The following CCDC38 variants were observed in gnomAD, a reference collection of about 807,000 sequenced individuals.
CCDC38 encodes the protein coiled-coil domain-containing protein 38.
In CCDC38, 69 loss-of-function variants were observed where a neutral mutation model predicts 72.8. The observed-to-expected ratio is 0.95, with a 90% CI of 0.78 to 1.16. The LOEUF is 1.16. Among genes scored for constraint, CCDC38 ranks in the 50% most tolerant of loss-of-function variants. The pLI, the probability that CCDC38 is intolerant of heterozygous loss-of-function variation, is 0.00. For synonymous variants in CCDC38, 201 were observed against 213.2 expected, an observed-to-expected ratio of 0.94 and a Z score of 0.50; for missense variants, 626 against 638.9, an observed-to-expected ratio of 0.98 and a Z score of 0.22.
intron 8 of CCDC38, among the ~76,000 whole-genome samples, chr12:95,894,124 C>T (rs907600407): frequency 6.6e-6 from 1 of 152,048 alleles, no homozygotes; most frequent in African/African-American, 2.4e-5. Context: ...GAGGCTGAGG[C>T]AGGAGAATAT....
intron 5 of CCDC38, chr12:95,903,441 C>A: frequency 5.7e-6 from 4 of 699,804 alleles, no homozygotes; most frequent in Non-Finnish European, 1.0e-5. Context: ...AGAAGTGGTG[C>A]AGTGGAAATC....
chr12:95,915,009 G>T (rs1466854295), intron 4 of CCDC38, among the ~76,000 whole-genome samples: 1 of 152,118 alleles, frequency 6.6e-6, no homozygotes, highest in Non-Finnish European at 1.5e-5. Context: ...GCTTTCATTT[G>T]ATCATTTCTG....
intron 13 of CCDC38, among the ~76,000 whole-genome samples, chr12:95,877,372 C>T (rs1029308488): frequency 3.3e-5 from 5 of 152,134 alleles, no homozygotes; most frequent in Admixed American, 6.6e-5. Flanking sequence ...CAATAATTTC[C>T]AGGCCTTCTC....
intron 8 of CCDC38, among the ~76,000 whole-genome samples, chr12:95,892,893 T>TG (rs1302648306): frequency 1.3e-5 from 2 of 152,128 alleles, no homozygotes; most frequent in Non-Finnish European, 2.9e-5. Flanking sequence ...ATATATGTAG[T>TG]GGGACCCATA....
chr12:95,911,849 G>C (rs1162777562), intron 4 of CCDC38, among the ~76,000 whole-genome samples: 1 of 152,124 alleles, frequency 6.6e-6, no homozygotes, highest in Admixed American at 6.5e-5. Context: ...ATCCAACCCA[G>C]CAATCCCATT....
Position 95,879,805 on chromosome 12 carries a change from C to A in CCDC38, c.991-10G>T. On this transcript the variant is annotated splice_polypyrimidine_tract_variant and intron_variant, in intron 11 of 15. Coordinates refer to ENST00000344280, the MANE Select transcript of CCDC38 (RefSeq NM_182496.3). This position sits in a 1 kb window ranked among gnomAD's most constrained non-coding sequence, Gnocchi z 5.5. The stretch of plus-strand genomic sequence containing the variant: ...AATAAAGTGCTGGCTCCTAATTAAT[C>A]AATAATGAAGAATATAATTTACTTA... 6.3e-7 allele frequency: 1 copy of A among 1,581,956 alleles called. No homozygotes were observed. Among genetic ancestry groups the A allele is most frequent in the South Asian group, 1.2e-5 (1 of 86,726 alleles).
chr12:95,920,438 T>C (rs1237389161), intron 2 of CCDC38, among the ~76,000 whole-genome samples: 1 of 152,156 alleles, frequency 6.6e-6, no homozygotes, highest in African/African-American at 2.4e-5. Context: ...ATTAGCAGCA[T>C]GAGAACAGAT....
At chr12:95,896,097 A>C (rs2079886236) in intron 7 of CCDC38, among the ~76,000 whole-genome samples, 1 of 151,598 alleles carries the variant, frequency 6.6e-6, no homozygotes, top group South Asian at 2.1e-4. Context: ...AAGATGGTAC[A>C]TTTGTAAGGA....
chr12:95,910,956 G>A (rs773686500), intron 4 of CCDC38, among the ~76,000 whole-genome samples: 2 of 152,026 alleles, frequency 1.3e-5, no homozygotes, highest in South Asian at 2.1e-4. Flanking sequence ...CAAAAAGAAC[G>A]AAGTTGGACT....
chr12:95,906,955 G>C (rs1266653316), intron 4 of CCDC38, among the ~76,000 whole-genome samples: 2 of 150,980 alleles, frequency 1.3e-5, no homozygotes, highest in Admixed American at 1.3e-4. Flanking sequence ...GTTTTCCTAG[G>C]CAGAGGACCC....
At chr12:95,909,915 G>A (rs1170194256) in intron 4 of CCDC38, among the ~76,000 whole-genome samples, 2 of 152,184 alleles carry the variant, frequency 1.3e-5, no homozygotes, top group African/African-American at 4.8e-5. Context: ...AATACTAACA[G>A]CCATCTATGA....
chr12:95,919,617 C>T (rs1442652627), intron 2 of CCDC38: 1 of 456,024 alleles, frequency 2.2e-6, no homozygotes, highest in Non-Finnish European at 4.4e-6. Context: ...CGACATAGCT[C>T]TTACTGCTTC....
chr12:95,919,660 T>G (rs1468237702), intron 2 of CCDC38: 3 of 455,458 alleles, frequency 6.6e-6, no homozygotes, highest in African/African-American at 6.0e-5. Flanking sequence ...AAGGAGGTCT[T>G]TACCAAAATA....
intron 5 of CCDC38, among the ~76,000 whole-genome samples, chr12:95,905,228 C>T (rs561675079): frequency 3.3e-5 from 5 of 152,112 alleles, no homozygotes; most frequent in African/African-American, 1.2e-4. Flanking sequence ...TTGTTAAATT[C>T]TCAGATGCTG....
At chr12:95,908,447 G>C (rs1200171839) in intron 4 of CCDC38, among the ~76,000 whole-genome samples, 1 of 29,074 alleles carries the variant, frequency 3.4e-5, no homozygotes, top group Non-Finnish European at 6.7e-5. Context: ...CGTGGAAAGA[G>C]GGAGAGGGAG....
Position 95,926,069 on chromosome 12 carries a change from G to T in CCDC38, c.38-7093C>A, listed in dbSNP as rs1478640070. Among the ~76,000 whole-genome samples the T allele has an allele frequency of 7.0e-5, 10 of 142,118 alleles. No homozygotes were observed. The East Asian group carries it at 2.1e-3, about 30-fold the overall frequency. The allele number at this position is 142,118 out of a possible 152,430, so 93.2% of individuals were successfully genotyped here. A position where few individuals can be genotyped will look rare whatever the true frequency, so the allele number is the denominator to read the frequency against. Reference sequence around the variant, plus strand: ...TGCTGGCCTCATAAAATGAGTTAGGGAGGATTCCCTCTTTTTCTATTGATT... The same window carrying T: ...TGCTGGCCTCATAAAATGAGTTAGGTAGGATTCCCTCTTTTTCTATTGATT... On this transcript the variant is annotated intron_variant, in intron 2 of 15. Coordinates refer to ENST00000344280, the MANE Select transcript of CCDC38 (RefSeq NM_182496.3).
intron 2 of CCDC38, among the ~76,000 whole-genome samples, chr12:95,928,556 G>A (rs1394402184): frequency 5.0e-4 from 76 of 152,306 alleles, no homozygotes; most frequent in East Asian, 3.7e-3. Context: ...GTCATTATCC[G>A]TCCAGCTTTG....
chr12:95,936,575 A>G (rs1420432645), intron 1 of CCDC38, 52 bp from the exon 2 acceptor site: 4 of 1,474,598 alleles, frequency 2.7e-6, no homozygotes, highest in Non-Finnish European at 3.8e-6. Context: ...AACATCATAT[A>G]AAAGGGCTAA....
intron 13 of CCDC38, among the ~76,000 whole-genome samples, chr12:95,872,917 A>G (rs1449304147): frequency 1.3e-5 from 2 of 152,252 alleles, no homozygotes; most frequent in African/African-American, 2.4e-5. Context: ...CAGCAGTGAT[A>G]TTTAACCTAT....
Sources: gnomAD v4.1 joint callset for allele counts (sites outside exome capture counted in the v4.1 genomes callset) on GRCh38, gnomAD v4.1.1 for gene constraint, Gnocchi (gnomAD v3.1) non-coding constraint, MANE v1.5 for transcripts, NCBI Gene and HGNC (gene_info 2026-07-23, HGNC 2026-07-21) for gene names.